The following SLC16A7 variants were observed in gnomAD, a reference collection of about 807,000 sequenced individuals.
The protein encoded by SLC16A7 is solute carrier family 16 member 7.
A neutral mutation model predicts 34.9 loss-of-function variants in SLC16A7; 33 were observed. The ratio of observed to expected loss-of-function variants is 0.94; its 90% CI spans 0.72 to 1.26. The LOEUF (loss-of-function observed/expected upper bound fraction) is 1.26. Among genes scored for constraint, SLC16A7 ranks in the 50% most tolerant of loss-of-function variants. The pLI is 0.00. For missense variants in SLC16A7, 573 were observed against 578.1 expected (o/e 0.99, Z 0.09); for synonymous variants, 201 against 206.6 (o/e 0.97, Z 0.23).
At chr12:59,692,907 A>G (rs1470030056) in intron 2 of SLC16A7, among the ~76,000 whole-genome samples, 2 of 151,982 alleles carry the variant, frequency 1.3e-5, no homozygotes, top group Non-Finnish European at 2.9e-5. Context: ...ACATGTTGGG[A>G]AAGAAAAGAT....
chr12:59,745,715 T>C (rs900753465), intron 3 of SLC16A7, among the ~76,000 whole-genome samples: 22 of 152,224 alleles, frequency 1.4e-4, no homozygotes, highest in African/African-American at 5.1e-4. Context: ...ATAGAGGTTA[T>C]ATTTAAGATT....
Position 59,786,850 on chromosome 12 carries a change from G to C in SLC16A7, c.*7171G>C, listed in dbSNP as rs1309712320. 2.6e-5 allele frequency: 4 copies of C among 152,038 alleles called. No individual in the cohort carries two copies. 9.4% of individuals were successfully genotyped at this position (152,038 alleles called of 1,614,324 possible). ...TAAGGTCATAATGATGATCTTTGTAGAGTAAATAAAATATTTTCCTAGAAA... is the reference window on the plus strand; with the variant it reads ...TAAGGTCATAATGATGATCTTTGTACAGTAAATAAAATATTTTCCTAGAAA... On this transcript the variant is annotated 3_prime_UTR_variant, in exon 6 of 6. Transcript: ENST00000547379.
At chr12:59,776,213 T>TGA (rs200313617) in intron 5 of SLC16A7, among the ~76,000 whole-genome samples, 14 of 151,640 alleles carry the variant, frequency 9.2e-5, no homozygotes, top group East Asian at 1.9e-4. Context: ...GTCTAATACT[T>TGA]GAGAGAGAGA....
At chr12:59,686,452 G>A (rs1485942395) in intron 2 of SLC16A7, among the ~76,000 whole-genome samples, 1 of 151,886 alleles carries the variant, frequency 6.6e-6, no homozygotes, top group Non-Finnish European at 1.5e-5. Context: ...ATACCACATA[G>A]GGTTATATTT....
intron 1 of SLC16A7, among the ~76,000 whole-genome samples, chr12:59,651,189 AT>A (rs1420431335): frequency 6.6e-6 from 1 of 152,094 alleles, no homozygotes. Flanking sequence ...ATGTTTATTG[AT>A]TTTTCTTTCA....
chr12:59,710,549 A>T (rs1306906923), intron 3 of SLC16A7, among the ~76,000 whole-genome samples: 1 of 152,188 alleles, frequency 6.6e-6, no homozygotes, highest in Non-Finnish European at 1.5e-5. Context: ...ATAATATCAG[A>T]TAGTTACTAA....
At chr12:59,694,915 A>G (rs1326553994) in intron 2 of SLC16A7, among the ~76,000 whole-genome samples, 1 of 151,948 alleles carries the variant, frequency 6.6e-6, no homozygotes, top group Non-Finnish European at 1.5e-5. Flanking sequence ...TTCCTGGATT[A>G]TTTACCCATT....
At chr12:59,741,621 G>C (rs2706301) in intron 3 of SLC16A7, among the ~76,000 whole-genome samples, 91,419 of 152,074 alleles carry the variant, frequency 0.6, 28,232 homozygotes, top group African/African-American at 0.76. Context: ...TCTTTTCACT[G>C]AATTTTAGAG....
chr12:59,767,769 A>G (rs1881815009), intron 3 of SLC16A7, among the ~76,000 whole-genome samples: 1 of 152,018 alleles, frequency 6.6e-6, no homozygotes, highest in Non-Finnish European at 1.5e-5. Context: ...CATGCCTGCT[A>G]ATACAACATT....
At chr12:59,633,310 TG>T (rs1880268451) in intron 1 of SLC16A7, among the ~76,000 whole-genome samples, 1 of 152,016 alleles carries the variant, frequency 6.6e-6, no homozygotes, top group South Asian at 2.1e-4. Flanking sequence ...GCATTATGGC[TG>T]CCAAAGTAAC....
chr12:59,740,360 T>C (rs1160575950), intron 3 of SLC16A7, among the ~76,000 whole-genome samples: 8 of 152,272 alleles, frequency 5.3e-5, no homozygotes, highest in African/African-American at 1.7e-4. Flanking sequence ...GTTGTAGATA[T>C]GCGGCGTTAT....
chr12:59,746,369 T>A (rs1878892151), intron 3 of SLC16A7, among the ~76,000 whole-genome samples: 1 of 152,204 alleles, frequency 6.6e-6, no homozygotes, highest in Non-Finnish European at 1.5e-5. Flanking sequence ...AAACAATATA[T>A]ATGACTCAGT....
intron 2 of SLC16A7, among the ~76,000 whole-genome samples, chr12:59,661,410 G>A (rs951431247): frequency 2.6e-5 from 4 of 152,066 alleles, no homozygotes; most frequent in African/African-American, 9.7e-5. Flanking sequence ...ACTTTGAGCT[G>A]ACTGGCAGAA....
chr12:59,624,829 GT>G (rs1200747297), intron 1 of SLC16A7, among the ~76,000 whole-genome samples: 1 of 151,214 alleles, frequency 6.6e-6, no homozygotes, highest in Non-Finnish European at 1.5e-5. Flanking sequence ...TGACAATGCA[GT>G]TTTATTGAGT....
chr12:59,641,793 A>C (rs968776408), intron 1 of SLC16A7, among the ~76,000 whole-genome samples: 3 of 151,974 alleles, frequency 2.0e-5, no homozygotes, highest in Admixed American at 6.6e-5. Flanking sequence ...ACCATTATTC[A>C]TTGTACTTTT....
At chr12:59,608,408 G>A (rs1379788834) in intron 1 of SLC16A7, among the ~76,000 whole-genome samples, 1 of 152,170 alleles carries the variant, frequency 6.6e-6, no homozygotes, top group Non-Finnish European at 1.5e-5. Context: ...TGAAAAAGGG[G>A]CAGAAACTGC....
At chr12:59,751,966 C>CA (rs1407671460) in intron 3 of SLC16A7, among the ~76,000 whole-genome samples, 2 of 152,156 alleles carry the variant, frequency 1.3e-5, no homozygotes, top group East Asian at 3.9e-4. Context: ...CGCTGATCTG[C>CA]AGCCACCAGT....
At chr12:59,618,042 G>GT (rs919026844) in intron 1 of SLC16A7, among the ~76,000 whole-genome samples, 6 of 150,822 alleles carry the variant, frequency 4.0e-5, no homozygotes, top group East Asian at 1.9e-4. Flanking sequence ...GTATCCTTGA[G>GT]TTTTTTTTTC....
chr12:59,649,032 A>T (rs1182183824), intron 1 of SLC16A7, among the ~76,000 whole-genome samples: 1 of 152,100 alleles, frequency 6.6e-6, no homozygotes, highest in African/African-American at 2.4e-5. Flanking sequence ...AAAAAGAAGA[A>T]TTTTTTGCAT....
Sources: allele counts gnomAD v4.1 joint callset (sites outside exome capture counted in the v4.1 genomes callset), GRCh38; gene constraint gnomAD v4.1.1; transcripts MANE v1.5; gene names NCBI Gene and HGNC (gene_info 2026-07-23, HGNC 2026-07-21).